Variants in L1CAM observed in about 807,000 individuals in gnomAD.
L1CAM encodes L1 cell adhesion molecule.
A neutral mutation model predicts 93.0 loss-of-function variants in L1CAM; 8 were observed. That is an observed-to-expected ratio of 0.09 (90% CI 0.05 to 0.16). L1CAM has a LOEUF of 0.16. Ranked by LOEUF, L1CAM falls within the 10% of genes least tolerant of loss-of-function variation. The pLI is 1.00. For missense variants in L1CAM, 777 were observed against 1,073.4 expected, an observed-to-expected ratio of 0.72 and a Z score of 3.86; for synonymous variants, 453 against 453.0, an observed-to-expected ratio of 1.00 and a Z score of 0.00.
intron 1 of L1CAM, among the ~76,000 whole-genome samples, chrX:153,879,628 C>T (rs1398450481): frequency 8.9e-6 from 1 of 112,021 alleles, no homozygotes; most frequent in East Asian, 2.8e-4. Flanking sequence ...GCCGGAGGGG[C>T]CTACAAAGCC....
chrX:153,877,623 A>G (rs2064823417), intron 1 of L1CAM, among the ~76,000 whole-genome samples: 1 of 111,770 alleles, frequency 8.9e-6, no homozygotes, highest in Non-Finnish European at 1.9e-5. Context: ...GCGAAACTCC[A>G]TCTCAAAAAA....
At chrX:153,884,400 G>A (rs1249783440) in intron 1 of L1CAM, 10 of 348,892 alleles carry the variant, frequency 2.9e-5, no homozygotes, top group Non-Finnish European at 4.1e-5. Flanking sequence ...GGAGCGCGGT[G>A]TAGCAAACCA....
In L1CAM at chrX:153,864,371, A is replaced by G. The variant is rs2064691990; in HGVS notation, c.3273T>C (p.Phe1091=). The change falls in exon 25 of 29, where the codon TTT becomes TTC. Residue 1091 remains phenylalanine, a synonymous_variant. Coordinates refer to ENST00000370060, the MANE Select transcript of L1CAM (RefSeq NM_001278116.2). ...QPDTDYEIHL[F]KERMFRHQMA... is the part of the protein sequence containing the mutation. The stretch of plus-strand genomic sequence containing the variant: ...TTTGGTGCCGGAACATCCTCTCCTT[A>G]AACAAGTGGATCTCGTAGTCAGTGT... The G allele has an allele frequency of 8.3e-7, 1 of 1,209,891 alleles. No homozygotes were observed. Among genetic ancestry groups the G allele is most frequent in the Non-Finnish European group, 1.1e-6 (1 of 894,866 alleles).
intron 1 of L1CAM, among the ~76,000 whole-genome samples, chrX:153,878,336 A>G (rs1343626045): frequency 8.9e-6 from 1 of 112,765 alleles, no homozygotes; most frequent in Non-Finnish European, 1.9e-5. Flanking sequence ...TCCCGTGGGG[A>G]CTCTGGGCAA....
At position 153,863,347 on chromosome X, in the gene L1CAM, TC is replaced by T; in HGVS notation, c.3542+20del. Reference sequence around the variant, plus strand: ...ATAGGGAGACCTTGCTGTTGGCCCCTCCCCACCGCCCCTGCCTTACCTCTCC... The same window carrying T: ...ATAGGGAGACCTTGCTGTTGGCCCCTCCCACCGCCCCTGCCTTACCTCTCC... On this transcript the variant is annotated intron_variant, in intron 28 of 28. Transcript: ENST00000370060. 1 of 1,206,982 alleles carries T rather than the reference TC, an allele frequency of 8.3e-7. No homozygotes were observed. Among genetic ancestry groups the T allele is most frequent in the Non-Finnish European group, 1.1e-6 (1 of 892,235 alleles).
intron 2 of L1CAM, among the ~76,000 whole-genome samples, chrX:153,874,822 C>T (rs781894960): frequency 1.8e-5 from 2 of 111,990 alleles, no homozygotes; most frequent in Non-Finnish European, 3.8e-5. Context: ...CACGGCCTGA[C>T]AGCTACTTAC....
At chrX:153,866,899 G>T (rs1557091116) in intron 18 of L1CAM, 28 bp from the exon 19 acceptor site, 1 of 1,176,571 alleles carries the variant, frequency 8.5e-7, no homozygotes, top group Non-Finnish European at 1.2e-6. Context: ...AAGAGGAGTT[G>T]GTTGGCCAAG....
chrX:153,873,350 C>A, intron 2 of L1CAM, 108 bp from the exon 3 acceptor site: 1 of 837,333 alleles, frequency 1.2e-6, no homozygotes. Context: ...GCAGCCCCCC[C>A]GTGGAGAGGG....
In L1CAM at chrX:153,861,707, T is replaced by C. The variant is rs201973282; in HGVS notation, c.*956A>G. On this transcript the variant is annotated 3_prime_UTR_variant, in exon 29 of 29. Coordinates refer to ENST00000370060, the MANE Select transcript of L1CAM (RefSeq NM_001278116.2). The stretch of plus-strand genomic sequence containing the variant: ...CTGTTTTTATTTTTCCTGGGATGGG[T>C]TCATCAAAGCTAATTGCTATCAATC... 1.8e-5 allele frequency: 2 copies of C among 109,761 alleles called. No individual in the cohort carries two copies. Among genetic ancestry groups the C allele is most frequent in the Non-Finnish European group, 3.8e-5 (2 of 52,618 alleles). 9.0% of individuals were successfully genotyped at this position (109,761 alleles called of 1,213,427 possible).
intron 28 of L1CAM, 68 bp from the exon 29 acceptor site, chrX:153,862,962 G>A (rs1193094453): frequency 2.3e-6 from 2 of 872,728 alleles, no homozygotes; most frequent in African/African-American, 4.0e-5. Context: ...GGCTGGGGGT[G>A]AGGCAGACGC....
In L1CAM at chrX:153,875,853, G is replaced by C. The variant is rs368926809; in HGVS notation, c.-17C>G. 1.2e-5 allele frequency: 15 copies of C among 1,201,758 alleles called. No individual in the cohort carries two copies. Among genetic ancestry groups the C allele is most frequent in the Non-Finnish European group, 1.7e-5 (15 of 891,009 alleles). On this transcript the variant is annotated 5_prime_UTR_variant, in exon 2 of 29. Coordinates refer to ENST00000370060, the MANE Select transcript of L1CAM (RefSeq NM_001278116.2). ...CACGACCATCTTTCCCGGCGGCACC[G>C]CGCAGCACAGCCAGCCGGGCTCGGT...
chrX:153,862,659 T>C lies in L1CAM; in HGVS notation c.*4A>G. ...GGGCACAGCATCTCCTGTCCTGGACTCCACTATTCTAGGGCCACGGCAGGG... is the reference window on the plus strand; with the variant it reads ...GGGCACAGCATCTCCTGTCCTGGACCCCACTATTCTAGGGCCACGGCAGGG... On this transcript the variant is annotated 3_prime_UTR_variant, in exon 29 of 29. Transcript: ENST00000370060. The C allele has an allele frequency of 5.0e-6, 6 of 1,196,164 alleles. No homozygotes were observed. Among genetic ancestry groups the C allele is most frequent in the Non-Finnish European group, 6.8e-6 (6 of 882,104 alleles).
At position 153,862,435 on chromosome X, in the gene L1CAM, C is replaced by CA. The variant is rs782099636; in HGVS notation, c.*227dup. On this transcript the variant is annotated 3_prime_UTR_variant, in exon 29 of 29. Transcript: ENST00000370060. Reference sequence around the variant, plus strand: ...CCAAATGGGCTGGCAAAACAGCACCCAAAGGCCCCTGGCATGTGGGAGATC... The same window carrying CA: ...CCAAATGGGCTGGCAAAACAGCACCCAAAAGGCCCCTGGCATGTGGGAGATC... 3.2e-5 allele frequency: 12 copies of CA among 373,265 alleles called. No homozygotes were observed. In the East Asian group the frequency reaches 4.8e-4, roughly 15 times the overall value. 30.8% of individuals were successfully genotyped at this position (373,265 alleles called of 1,213,427 possible).
At chrX:153,879,305 C>T (rs2064831308) in intron 1 of L1CAM, among the ~76,000 whole-genome samples, 1 of 110,182 alleles carries the variant, frequency 9.1e-6, no homozygotes, top group African/African-American at 3.3e-5. Context: ...AATTCCGAAA[C>T]GGAGACCCAG....
At chrX:153,880,320 C>T in intron 1 of L1CAM, 1 of 181,844 alleles carries the variant, frequency 5.5e-6, no homozygotes, top group Non-Finnish European at 1.0e-5. Flanking sequence ...TGCACATGTG[C>T]CCTGCACACC....
chrX:153,866,109 G>A (rs1241588935), intron 19 of L1CAM, among the ~76,000 whole-genome samples: 1 of 111,267 alleles, frequency 9.0e-6, no homozygotes, highest in African/African-American at 3.3e-5. Flanking sequence ...GAGGTCTGGA[G>A]TTCGAGACCA....
chrX:153,863,338 G>A (rs782709233), intron 28 of L1CAM, 30 bp downstream of exon 28: 20 of 1,203,850 alleles, frequency 1.7e-5, no homozygotes, highest in Non-Finnish European at 2.3e-5. Context: ...AGACCTTGCT[G>A]TTGGCCCCTC....
Position 153,865,106 on chromosome X carries a change from C to T in L1CAM, c.2854G>A (p.Val952Met), listed in dbSNP as rs2064700596. ...LSHNGVLTGY[V>M]LSYHPLDEGG... ...CACGCACGGGGGTGGTAGGAGAGCA[C>T]GTAGCCGGTGAGCACGCCGTTGTGG... The change falls in exon 22 of 29, where the codon GTG becomes ATG. Residue 952 changes from valine to methionine, a missense_variant. Physicochemically the swap from Val to Met is conservative, Grantham distance 21. Around this residue, in one of 5 missense-constraint regions of L1CAM, gnomAD observed 71 missense variants for 77.4 expected, o/e 0.92. Transcript: ENST00000370060. 1.7e-6 allele frequency: 2 copies of T among 1,210,672 alleles called. No homozygotes were observed. Among genetic ancestry groups the T allele is most frequent in the Non-Finnish European group, 2.2e-6 (2 of 895,279 alleles).
chrX:153,872,683 C>T lies in L1CAM; in HGVS notation c.106G>A (p.Val36Ile), dbSNP rs2064783020. The T allele has an allele frequency of 8.3e-7, 1 of 1,207,258 alleles. No homozygotes were observed. Among genetic ancestry groups the T allele is most frequent in the South Asian group, 1.8e-5 (1 of 56,844 alleles). Residue 36 changes from valine to isoleucine, a missense_variant, in exon 4 of 29, where the codon GTC becomes ATC. Physicochemically the swap from Val to Ile is conservative, Grantham distance 29. Around this residue, in one of 5 missense-constraint regions of L1CAM, gnomAD observed 574 missense variants for 781.0 expected, o/e 0.73. Transcript: ENST00000370060. ...CGCCGTGGAGACTGTTCCGTGATGA[C>T]AGGTGGCTCCATCACTGAAGACAGG... ...YEGHHVMEPP[V>I]ITEQSPRRLV...
Sources: gnomAD v4.1 joint callset for allele counts (sites outside exome capture counted in the v4.1 genomes callset) on GRCh38, gnomAD v4.1.1 for gene constraint, gnomAD v4.1.1 regional missense constraint, MANE v1.5 for transcripts, NCBI Gene and HGNC (gene_info 2026-07-23, HGNC 2026-07-21) for gene names.